MARK1: variants seen among roughly 807,000 people sequenced by gnomAD.
The protein encoded by MARK1 is serine/threonine-protein kinase MARK1.
A neutral mutation model predicts 96.3 loss-of-function variants in MARK1; 40 were observed. The ratio of observed to expected loss-of-function variants is 0.42; its 90% CI spans 0.32 to 0.54. The LOEUF is 0.54. Ranked by LOEUF, MARK1 falls within the 20% of genes least tolerant of loss-of-function variation. MARK1 has a pLI of 0.16. For missense variants in MARK1, 719 were observed against 984.6 expected (o/e 0.73, Z 3.61); for synonymous variants, 317 against 341.2 (o/e 0.93, Z 0.78).
Position 220,652,072 on chromosome 1 carries a change from A to G in MARK1, c.1658A>G (p.Lys553Arg). 1 of 1,613,864 alleles carries G rather than the reference A, an allele frequency of 6.2e-7. No individual in the cohort carries two copies. The highest frequency in any genetic ancestry group is 1.3e-5 in the African/African-American group (1 of 75,036). Reference sequence around the variant, plus strand: ...CCCTCAGCACGACCCCGCCACCAGAAGTCCATGTCCACTTCTGGTCATCCT... The same window carrying G: ...CCCTCAGCACGACCCCGCCACCAGAGGTCCATGTCCACTTCTGGTCATCCT... ...AVPSARPRHQ[K>R]SMSTSGHPIK... The change falls in exon 15 of 18, where the codon AAG becomes AGG. Residue 553 changes from lysine (K) to arginine (R), a missense_variant. Transcript: ENST00000366917.
In MARK1 at chr1:220,618,286, T is replaced by G; in HGVS notation, c.553-24T>G. 3 of 1,398,670 alleles carry G rather than the reference T, an allele frequency of 2.1e-6. No individual in the cohort carries two copies. The highest frequency in any genetic ancestry group is 3.0e-6 in the Non-Finnish European group (3 of 987,052). The allele number at this position is 1,398,670 out of a possible 1,614,324, so 86.6% of individuals were successfully genotyped here. ...TATTTTATGTAGGCTTTTTACATTGTTCTTTCTATTATTTTCCTCTTAGGC... is the reference window on the plus strand; with the variant it reads ...TATTTTATGTAGGCTTTTTACATTGGTCTTTCTATTATTTTCCTCTTAGGC... On this transcript the variant is annotated intron_variant, in intron 7 of 17. Coordinates refer to ENST00000366917, the MANE Select transcript of MARK1 (RefSeq NM_018650.5). The surrounding 1 kb of genome is among the most constrained non-coding windows in gnomAD (Gnocchi z 4.6).
At chr1:220,636,678 C>G (rs1667982240) in intron 13 of MARK1, among the ~76,000 whole-genome samples, 1 of 151,826 alleles carries the variant, frequency 6.6e-6, no homozygotes, top group East Asian at 1.9e-4. Flanking sequence ...AAAACCTATT[C>G]CTGGACTCTT....
intron 3 of MARK1, among the ~76,000 whole-genome samples, chr1:220,583,395 A>G (rs538026185): frequency 2.6e-5 from 4 of 152,334 alleles, no homozygotes; most frequent in African/African-American, 9.6e-5. Flanking sequence ...AATACTGCCA[A>G]AATACAAAGT....
chr1:220,565,273 A>G (rs1248801056), intron 1 of MARK1, among the ~76,000 whole-genome samples: 2 of 152,172 alleles, frequency 1.3e-5, no homozygotes, highest in South Asian at 4.1e-4. Flanking sequence ...AGCTGTGACC[A>G]TCATTTAGAG....
At position 220,652,138 on chromosome 1, in the gene MARK1, C is replaced by T; in HGVS notation, c.1724C>T (p.Ala575Val). The T allele has an allele frequency of 1.9e-6, 3 of 1,604,846 alleles. No individual in the cohort carries two copies. The highest frequency in any genetic ancestry group is 2.6e-6 in the Non-Finnish European group (3 of 1,172,450). Reference protein sequence around the residue: ...TLPTIKDGSEAYRPGTTQRVP... With the variant: ...TLPTIKDGSEVYRPGTTQRVP... The stretch of plus-strand genomic sequence containing the variant: ...CCAACCATTAAAGACGGCTCTGAAG[C>T]TTACCGGCCTGGGTAATGTGTTGGT... Residue 575 changes from alanine to valine, a missense_variant, in exon 15 of 18, where the codon GCT (alanine) becomes GTT (valine). By Grantham distance (64) the Ala-to-Val change is moderately conservative. Transcript: ENST00000366917.
chr1:220,571,138 A>G (rs1663423294), intron 1 of MARK1, among the ~76,000 whole-genome samples: 1 of 152,308 alleles, frequency 6.6e-6, no homozygotes, highest in African/African-American at 2.4e-5. Flanking sequence ...ATTTTAAAGA[A>G]CCAGATAAAA....
intron 1 of MARK1, among the ~76,000 whole-genome samples, chr1:220,550,794 C>T (rs574163351): frequency 6.6e-6 from 1 of 152,354 alleles, no homozygotes; most frequent in East Asian, 1.9e-4. Context: ...AATACAATCT[C>T]ATGTTCAATT....
intron 1 of MARK1, among the ~76,000 whole-genome samples, chr1:220,537,683 A>G (rs921192825): frequency 5.5e-5 from 8 of 145,654 alleles, no homozygotes; most frequent in Non-Finnish European, 7.6e-5. Context: ...CAATGGTTGA[A>G]CTAGTTTACA....
At chr1:220,580,287 C>T (rs147987813) in intron 2 of MARK1, among the ~76,000 whole-genome samples, 77 of 152,014 alleles carry the variant, frequency 5.1e-4, no homozygotes, top group African/African-American at 1.8e-3. Flanking sequence ...AGTTCAAGAC[C>T]AGCCTGGGCA....
chr1:220,581,392 A>C (rs1251706838), intron 3 of MARK1, among the ~76,000 whole-genome samples: 1 of 152,190 alleles, frequency 6.6e-6, no homozygotes, highest in Non-Finnish European at 1.5e-5. Context: ...AGTATTCAGG[A>C]TTTGAAATAT....
At chr1:220,588,042 C>T (rs113064617) in intron 3 of MARK1, among the ~76,000 whole-genome samples, 53 of 152,234 alleles carry the variant, frequency 3.5e-4, no homozygotes, top group East Asian at 1.7e-3. Context: ...CACATTCTTG[C>T]CAACACTTTA....
In MARK1 at chr1:220,550,886, A is replaced by G. The variant is rs1455273617; in HGVS notation, c.51+22013A>G. On this transcript the variant is annotated intron_variant, in intron 1 of 17. Coordinates refer to ENST00000366917, the MANE Select transcript of MARK1 (RefSeq NM_018650.5). The stretch of plus-strand genomic sequence containing the variant: ...GAAGCAGAATTCTGTTAAGTGATAC[A>G]GAATAAAGCTTTTACTAAGGGATTA... Among the ~76,000 whole-genome samples the G allele has an allele frequency of 3.9e-5, 6 of 152,358 alleles. No individual in the cohort carries two copies. The South Asian group carries it at 6.2e-4, about 16-fold the overall frequency.
intron 3 of MARK1, among the ~76,000 whole-genome samples, chr1:220,585,661 A>T (rs1403686936): frequency 6.6e-6 from 1 of 152,200 alleles, no homozygotes. Flanking sequence ...TCAAATTAAA[A>T]CTTCCAGTCT....
At chr1:220,548,751 A>T (rs1250781846) in intron 1 of MARK1, among the ~76,000 whole-genome samples, 1 of 152,104 alleles carries the variant, frequency 6.6e-6, no homozygotes, top group Non-Finnish European at 1.5e-5. Flanking sequence ...TAAGACTCCC[A>T]TCTCAGAAAA....
In MARK1 at chr1:220,581,113, CA is replaced by C. The variant is rs1664214297; in HGVS notation, c.308del (p.Lys103SerfsTer8). On this transcript the variant is annotated frameshift_variant, in exon 3 of 18. Transcript: ENST00000366917. LOFTEE classifies it high-confidence loss of function. ...AACTCAGCTAAATCCTACCAGTCTA[CA>C]AAAGGTATTTAATTAATTTAATAAG... ...DKTQLNPTSLQKLFREVRIMK... is the reference protein window; with the variant it reads ...DKTQLNPTSLXKLFREVRIMK... 1.7e-6 allele frequency: 2 copies of C among 1,202,034 alleles called. No individual in the cohort carries two copies. Among genetic ancestry groups the C allele is most frequent in the Admixed American group, 6.0e-5 (2 of 33,496 alleles). 74.5% of individuals were successfully genotyped at this position (1,202,034 alleles called of 1,614,324 possible). A position where few individuals can be genotyped will look rare whatever the true frequency, so the allele number is the denominator to read the frequency against.
chr1:220,580,172 T>G (rs771016536), intron 2 of MARK1, among the ~76,000 whole-genome samples: 1 of 151,904 alleles, frequency 6.6e-6, no homozygotes, highest in Non-Finnish European at 1.5e-5. Flanking sequence ...TAGATCTGAT[T>G]AGGACATTAT....
intron 13 of MARK1, among the ~76,000 whole-genome samples, chr1:220,644,700 A>G (rs1325672962): frequency 2.0e-5 from 3 of 152,198 alleles, no homozygotes; most frequent in Non-Finnish European, 1.5e-5. Flanking sequence ...TCCTCAGCAA[A>G]GGCAAAAGAA....
chr1:220,647,237 A>G (rs1248862691), intron 13 of MARK1, among the ~76,000 whole-genome samples: 4 of 152,220 alleles, frequency 2.6e-5, no homozygotes, highest in Non-Finnish European at 5.9e-5. Flanking sequence ...AAAAGTGGGC[A>G]AAGGACATAA....
At chr1:220,565,765 C>T (rs544367015) in intron 1 of MARK1, among the ~76,000 whole-genome samples, 4 of 152,238 alleles carry the variant, frequency 2.6e-5, no homozygotes, top group African/African-American at 9.6e-5. Flanking sequence ...ATGTTTTTCT[C>T]TCACTTATTG....
Sources: allele counts gnomAD v4.1 joint callset (sites outside exome capture counted in the v4.1 genomes callset), GRCh38; gene constraint gnomAD v4.1.1; non-coding constraint Gnocchi (gnomAD v3.1); transcripts MANE v1.5; gene names NCBI Gene and HGNC (gene_info 2026-07-23, HGNC 2026-07-21).